HSPA12A: variants seen among roughly 807,000 people sequenced by gnomAD.
HSPA12A encodes the protein heat shock protein family A (Hsp70) member 12A.
In HSPA12A, 28 loss-of-function variants were observed where a neutral mutation model predicts 69.2. That is an observed-to-expected ratio of 0.40 (90% confidence interval 0.30 to 0.55). The LOEUF (loss-of-function observed/expected upper bound fraction) is 0.55. HSPA12A is among the 20% of genes least tolerant of loss of function. The pLI is 0.38. For missense variants in HSPA12A, 686 were observed against 900.7 expected (o/e 0.76, Z 3.05); for synonymous variants, 345 against 370.5 (o/e 0.93, Z 0.79).
chr10:116,695,695 A>G (rs1202473121), intron 5 of HSPA12A, among the ~76,000 whole-genome samples: 1 of 152,088 alleles, frequency 6.6e-6, no homozygotes, highest in African/African-American at 2.4e-5. Flanking sequence ...GGGCGCCTGT[A>G]GTCCCAGCTA....
At chr10:116,706,317 C>T (rs781992765) in intron 2 of HSPA12A, among the ~76,000 whole-genome samples, 3 of 151,886 alleles carry the variant, frequency 2.0e-5, no homozygotes, top group African/African-American at 7.3e-5. Context: ...CTCCTCACAC[C>T]GCTCCCCTCC....
intron 1 of HSPA12A, among the ~76,000 whole-genome samples, chr10:116,716,133 C>A (rs1365716711): frequency 1.3e-5 from 2 of 151,826 alleles, no homozygotes; most frequent in African/African-American, 4.8e-5. Flanking sequence ...CTCTGTGAAC[C>A]CAGGGCCTCA....
chr10:116,744,013 C>A (rs531827655), upstream of HSPA12A, among the ~76,000 whole-genome samples: 20 of 152,282 alleles, frequency 1.3e-4, no homozygotes, highest in African/African-American at 4.8e-4. Flanking sequence ...ATCATTAAGT[C>A]ACTGATGGCC....
chr10:116,850,125 CAGCT>C, upstream of HSPA12A: 1 of 304,906 alleles, frequency 3.3e-6, no homozygotes, highest in Non-Finnish European at 6.4e-6. Context: ...CGACCTTAAG[CAGCT>C]CCTCTTTGAT....
chr10:116,800,652 T>A (rs1258962034), intron 2 of HSPA12A, among the ~76,000 whole-genome samples: 1 of 152,186 alleles, frequency 6.6e-6, no homozygotes, highest in Non-Finnish European at 1.5e-5. Context: ...ATCTCCGCGA[T>A]GGATTCTTGG....
At position 116,739,508 on chromosome 10, in the gene HSPA12A, C is replaced by T. The variant is rs567270293; in HGVS notation, c.40+2922G>A. Among the ~76,000 whole-genome samples, 8 of 152,262 alleles carry T rather than the reference C, an allele frequency of 5.3e-5. No individual in the cohort carries two copies. In the East Asian group the frequency reaches 1.4e-3, roughly 26 times the overall value. On this transcript the variant is annotated intron_variant, in intron 1 of 11. Transcript: ENST00000369209. ...CTGCCCACCATCCCTCTCCTCAAGC[C>T]CGTGCCCTGGAAAAAATGACTTGGT...
intron 3 of HSPA12A, among the ~76,000 whole-genome samples, chr10:116,701,537 A>C (rs1470943895): frequency 2.0e-5 from 3 of 152,264 alleles, no homozygotes; most frequent in Admixed American, 2.0e-4. Flanking sequence ...AGGTAGGTAT[A>C]GACAAATGCA....
chr10:116,824,232 A>C (rs969039292), intron 2 of HSPA12A, among the ~76,000 whole-genome samples: 10 of 152,238 alleles, frequency 6.6e-5, no homozygotes, highest in Non-Finnish European at 1.5e-4. Flanking sequence ...AAGGATGACT[A>C]TAATCAAAAA....
rs191715588 is a variant in HSPA12A at position 116,714,470 on chromosome 10, G to A, written c.41-7185C>T. ...CTTCTAATTAGCATCTCTTGCATTC[G>A]CTGGCTCCTCTGCTAAGTCACCACT... On this transcript the variant is annotated intron_variant, in intron 1 of 11. Transcript: ENST00000369209. Among the ~76,000 whole-genome samples the A allele has an allele frequency of 1.4e-4, 21 of 152,114 alleles. No homozygotes were observed. In the East Asian group the frequency reaches 3.1e-3, roughly 22 times the overall value.
chr10:116,755,609 C>CAA (rs1204991661), intron 2 of HSPA12A, among the ~76,000 whole-genome samples: 223 of 44,598 alleles, frequency 5.0e-3, no homozygotes, highest in African/African-American at 7.7e-3. Flanking sequence ...GAGACTGTCT[C>CAA]AAAAAAAAAA....
intron 2 of HSPA12A, among the ~76,000 whole-genome samples, chr10:116,817,853 G>A (rs965124612): frequency 3.9e-5 from 6 of 152,146 alleles, no homozygotes; most frequent in Non-Finnish European, 7.3e-5. Context: ...ACTGCTTTCC[G>A]TCCGGATGCT....
intron 5 of HSPA12A, among the ~76,000 whole-genome samples, chr10:116,697,934 G>A (rs1305369358): frequency 1.3e-5 from 2 of 152,156 alleles, no homozygotes; most frequent in Admixed American, 1.3e-4. Context: ...CATGCTATGT[G>A]GCTATCTGTA....
chr10:116,740,631 C>T (rs1554886941), intron 1 of HSPA12A, among the ~76,000 whole-genome samples: 1 of 149,026 alleles, frequency 6.7e-6, no homozygotes, highest in Admixed American at 6.6e-5. Context: ...GGATTTCTCC[C>T]AGCACCGTGT....
chr10:116,801,478 G>A (rs1028288676), intron 2 of HSPA12A, among the ~76,000 whole-genome samples: 4 of 152,122 alleles, frequency 2.6e-5, no homozygotes, highest in Non-Finnish European at 1.5e-5. Flanking sequence ...CCATCCCGAG[G>A]GGGTTCACAG....
In HSPA12A at chr10:116,686,897, A is replaced by G. The variant is rs782220956; in HGVS notation, c.664-2935T>C. On this transcript the variant is annotated intron_variant, in intron 6 of 11. Transcript: ENST00000369209. The surrounding 1 kb of genome is among the most constrained non-coding windows in gnomAD (Gnocchi z 4.1). ...AGCTCCGCCCCTCATCCCTCTTCCC[A>G]CACTGTAAGCTCTGCCCCCATCTCT... Among the ~76,000 whole-genome samples, 58 of 134,282 alleles carry G rather than the reference A, an allele frequency of 4.3e-4. No individual in the cohort carries two copies. Among genetic ancestry groups the G allele is most frequent in the Non-Finnish European group, 6.6e-4 (42 of 63,500 alleles). 88.1% of individuals were successfully genotyped at this position (134,282 alleles called of 152,430 possible).
At chr10:116,733,769 C>T (rs997485534) in intron 1 of HSPA12A, among the ~76,000 whole-genome samples, 7 of 152,156 alleles carry the variant, frequency 4.6e-5, no homozygotes, top group Non-Finnish European at 8.8e-5. Flanking sequence ...CACCCCATAT[C>T]GGAGCAAATA....
chr10:116,849,365 T>C (rs992194036), intron 1 of HSPA12A: 3 of 611,840 alleles, frequency 4.9e-6, no homozygotes, highest in Non-Finnish European at 7.3e-6. Flanking sequence ...CCGGACCTAA[T>C]GCCGCAGGGA....
At chr10:116,845,915 C>T (rs963914807) in intron 1 of HSPA12A, among the ~76,000 whole-genome samples, 1 of 152,172 alleles carries the variant, frequency 6.6e-6, no homozygotes, top group African/African-American at 2.4e-5. Flanking sequence ...CAATACCAAT[C>T]AGCTGTTAAT....
At chr10:116,702,213 G>A (rs1456890296) in intron 3 of HSPA12A, among the ~76,000 whole-genome samples, 2 of 152,126 alleles carry the variant, frequency 1.3e-5, no homozygotes, top group African/African-American at 4.8e-5. Context: ...CTCACCTTTG[G>A]GGCCACTGCA....
Sources: gnomAD v4.1 joint callset for allele counts (sites outside exome capture counted in the v4.1 genomes callset) on GRCh38, gnomAD v4.1.1 for gene constraint, Gnocchi (gnomAD v3.1) non-coding constraint, MANE v1.5 for transcripts, NCBI Gene and HGNC (gene_info 2026-07-23, HGNC 2026-07-21) for gene names.